BAZ2B: variants seen among roughly 807,000 people sequenced by gnomAD.
BAZ2B encodes bromodomain adjacent to zinc finger domain protein 2B.
A neutral mutation model predicts 246.0 loss-of-function variants in BAZ2B; 91 were observed. The ratio of observed to expected loss-of-function variants is 0.37; its 90% CI spans 0.31 to 0.44. The LOEUF is 0.44. BAZ2B is among the 20% of genes least tolerant of loss of function. The probability of loss-of-function intolerance (pLI) is 1.00; values close to 1 mark genes in which losing one functional copy is unlikely to be tolerated. For synonymous variants in BAZ2B, 855 were observed against 860.0 expected (o/e 0.99, Z 0.10); for missense variants, 2,332 against 2,533.7 (o/e 0.92, Z 1.71).
chr2:159,700,220 T>C, the BAZ2B span, among the ~76,000 whole-genome samples: 2 of 152,164 alleles, frequency 1.3e-5, no homozygotes, highest in South Asian at 2.1e-4. Context: ...TTGTCCCTTA[T>C]TATAGGGAGG....
At chr2:159,540,391 A>C (rs2086521103) in intron 2 of BAZ2B, among the ~76,000 whole-genome samples, 1 of 152,248 alleles carries the variant, frequency 6.6e-6, no homozygotes. Flanking sequence ...GTACACAAAA[A>C]TAAAGATAAT....
intron 1 of BAZ2B, among the ~76,000 whole-genome samples, chr2:159,561,251 T>G (rs1417084119): frequency 6.6e-6 from 1 of 152,164 alleles, no homozygotes; most frequent in Non-Finnish European, 1.5e-5. Context: ...GCTCAAAGAC[T>G]TGATTGGTTC....
chr2:159,588,650 T>C (rs1463791919), intron 1 of BAZ2B, among the ~76,000 whole-genome samples: 1 of 152,188 alleles, frequency 6.6e-6, no homozygotes, highest in African/African-American at 2.4e-5. Context: ...TCAATGTCAA[T>C]AGCTCGGTTT....
At chr2:159,348,969 A>G (rs768045753) in intron 29 of BAZ2B, 38 bp downstream of exon 29, 4 of 1,601,270 alleles carry the variant, frequency 2.5e-6, no homozygotes, top group Non-Finnish European at 3.4e-6. Flanking sequence ...TAATATTGAA[A>G]TTGAGTAAGT....
In BAZ2B at chr2:159,486,982, T is replaced by C. The variant is rs562230852; in HGVS notation, c.-2-8261A>G. On this transcript the variant is annotated intron_variant, in intron 2 of 36. Coordinates refer to ENST00000392783, the MANE Select transcript of BAZ2B (RefSeq NM_013450.4). The stretch of plus-strand genomic sequence containing the variant: ...ATATATTCATATACTTGTATGCTCA[T>C]AGACTATTTCTAGAAAAACATGTAA... Among the ~76,000 whole-genome samples, 4 of 152,266 alleles carry C rather than the reference T, an allele frequency of 2.6e-5. No individual in the cohort carries two copies. The South Asian group carries it at 8.3e-4, about 32-fold the overall frequency.
intron 2 of BAZ2B, among the ~76,000 whole-genome samples, chr2:159,523,490 G>A (rs1418768931): frequency 6.6e-6 from 1 of 152,060 alleles, no homozygotes; most frequent in Non-Finnish European, 1.5e-5. Context: ...CGGATCACAA[G>A]ATCAGGAGTT....
chr2:159,349,180 C>G lies in BAZ2B; in HGVS notation c.4964G>C (p.Gly1655Ala), dbSNP rs34949465. The change falls in exon 29 of 37, where the codon GGA becomes GCA. Residue 1655 changes from glycine to alanine, a missense_variant. Coordinates refer to ENST00000392783, the MANE Select transcript of BAZ2B (RefSeq NM_013450.4). ...IPFTSSVPSL[G>A]SGLGLSEGNG... Reference sequence around the variant, plus strand: ...TCCTTCTGATAACCCTAACCCCGATCCTAGACTAGGTACAGATGATGTAAA... The same window carrying G: ...TCCTTCTGATAACCCTAACCCCGATGCTAGACTAGGTACAGATGATGTAAA... 334 of 1,614,082 alleles carry G rather than the reference C, an allele frequency of 2.1e-4. 3 individuals are homozygous for G. The African/African-American group carries it at 3.9e-3, about 19-fold the overall frequency.
chr2:159,475,328 C>T (rs1324836227), intron 3 of BAZ2B, among the ~76,000 whole-genome samples: 1 of 152,170 alleles, frequency 6.6e-6, no homozygotes, highest in Non-Finnish European at 1.5e-5. Flanking sequence ...ATCCTTTCGT[C>T]TGCTTCATTG....
At chr2:159,668,000 A>G in the BAZ2B span, among the ~76,000 whole-genome samples, 142,231 of 152,186 alleles carry the variant, frequency 0.93, 66,591 homozygotes, top group African/African-American at 0.97. Context: ...CAACAATCTT[A>G]AGTGTTGTAA....
intron 2 of BAZ2B, among the ~76,000 whole-genome samples, chr2:159,531,286 C>T (rs1325504934): frequency 2.6e-5 from 4 of 152,056 alleles, no homozygotes; most frequent in African/African-American, 9.7e-5. Flanking sequence ...TTTTAGCACA[C>T]TGTTAGGCTT....
chr2:159,700,051 T>A, the BAZ2B span, among the ~76,000 whole-genome samples: 1 of 152,208 alleles, frequency 6.6e-6, no homozygotes, highest in East Asian at 1.9e-4. Context: ...GCTCTGCCCT[T>A]ATGACTTAAT....
At position 159,386,483 on chromosome 2, in the gene BAZ2B, T is replaced by A. The variant is rs768057446; in HGVS notation, c.3341A>T (p.Asp1114Val). 2 of 1,613,646 alleles carry A rather than the reference T, an allele frequency of 1.2e-6. No individual in the cohort carries two copies. Among genetic ancestry groups the A allele is most frequent in the Middle Eastern group, 1.7e-4 (1 of 6,060 alleles). Residue 1114 changes from aspartate to valine, a missense_variant, in exon 22 of 37, where the codon GAT (aspartate) becomes GTT (valine). Transcript: ENST00000392783. The stretch of plus-strand genomic sequence containing the variant: ...TTGAAGAACACTCAGGTTTGGAACA[T>A]CAATATTCACATCAAAGCCCAAAAC... ...GKVLGFDVNI[D>V]VPNLSVLQEG...
intron 4 of BAZ2B, among the ~76,000 whole-genome samples, chr2:159,450,672 A>C (rs899921615): frequency 6.6e-6 from 1 of 152,200 alleles, no homozygotes; most frequent in African/African-American, 2.4e-5. Context: ...TAAGGATTAT[A>C]TAAATCAGCA....
At chr2:159,602,932 T>C (rs1692502650) in intron 1 of BAZ2B, among the ~76,000 whole-genome samples, 1 of 151,464 alleles carries the variant, frequency 6.6e-6, no homozygotes, top group African/African-American at 2.4e-5. Flanking sequence ...AGGCCGGGAG[T>C]TCAAGACCAG....
At chr2:159,389,229 C>A (rs1253273834) in intron 21 of BAZ2B, 116 bp downstream of exon 21, 1 of 1,104,614 alleles carries the variant, frequency 9.1e-7, no homozygotes, top group Non-Finnish European at 1.2e-6. Context: ...TGGAAATTCA[C>A]TGCTATAGTT....
chr2:159,488,009 G>C (rs899121038), intron 2 of BAZ2B, among the ~76,000 whole-genome samples: 2 of 151,788 alleles, frequency 1.3e-5, no homozygotes, highest in Non-Finnish European at 2.9e-5. Flanking sequence ...ATCACAAAAC[G>C]ATCAGGATTA....
chr2:159,584,776 A>T lies in BAZ2B; in HGVS notation c.-45-28911T>A, dbSNP rs975460653. ...AGTATTAAAAGTGGAGCCTGGTGGG[A>T]GGTGATTGGATCATAGGGGTGGACT... On this transcript the variant is annotated intron_variant, in intron 1 of 36. Transcript: ENST00000392783. Among the ~76,000 whole-genome samples, 13 of 152,268 alleles carry T rather than the reference A, an allele frequency of 8.5e-5. 1 individual carries two copies. Among genetic ancestry groups the T allele is most frequent in the Admixed American group, 2.0e-4 (3 of 15,300 alleles).
chr2:159,441,732 C>T, intron 6 of BAZ2B, among the ~76,000 whole-genome samples: 1 of 152,134 alleles, frequency 6.6e-6, no homozygotes, highest in Non-Finnish European at 1.5e-5. Context: ...TCACTGCAGC[C>T]TTGAACTCCT....
the BAZ2B span, among the ~76,000 whole-genome samples, chr2:159,675,379 A>G: frequency 6.6e-6 from 1 of 152,134 alleles, no homozygotes; most frequent in Non-Finnish European, 1.5e-5. Context: ...AATCATAGAT[A>G]GGAAAAATTT....
Sources: allele counts gnomAD v4.1 joint callset (sites outside exome capture counted in the v4.1 genomes callset), GRCh38; gene constraint gnomAD v4.1.1; transcripts MANE v1.5; gene names NCBI Gene and HGNC (gene_info 2026-07-23, HGNC 2026-07-21).